DMGDH: variants seen among roughly 807,000 people sequenced by gnomAD.
DMGDH encodes the protein dimethylglycine dehydrogenase, also known as dimethylglycine dehydrogenase, mitochondrial.
In DMGDH, 76 loss-of-function variants were observed where a neutral mutation model predicts 95.2. That is an observed-to-expected ratio of 0.80 (90% CI 0.66 to 0.97). The LOEUF (loss-of-function observed/expected upper bound fraction) is 0.97. Ranked by LOEUF, DMGDH falls within the 50% of genes least tolerant of loss-of-function variation. The probability of loss-of-function intolerance (pLI) is 0.00; values close to 1 mark genes in which losing one functional copy is unlikely to be tolerated. For missense variants in DMGDH, 987 were observed against 1,055.0 expected, an observed-to-expected ratio of 0.94 and a Z score of 0.89; for synonymous variants, 345 against 377.6, an observed-to-expected ratio of 0.91 and a Z score of 1.00.
intron 14 of DMGDH, chr5:79,021,774 G>A: frequency 8.2e-7 from 1 of 1,216,120 alleles, no homozygotes; most frequent in Non-Finnish European, 1.1e-6. Flanking sequence ...TATGTTACCA[G>A]AGAGAGAAAT....
At chr5:79,052,652 C>T (rs1754903849) in intron 4 of DMGDH, among the ~76,000 whole-genome samples, 1 of 152,180 alleles carries the variant, frequency 6.6e-6, no homozygotes, top group East Asian at 1.9e-4. Context: ...CACATATTCC[C>T]ATTGCTTAAT....
In DMGDH at chr5:79,069,506, G is replaced by A. The variant is rs1017199728; in HGVS notation, c.101+14C>T. On this transcript the variant is annotated intron_variant, in intron 1 of 15. Coordinates refer to ENST00000255189, the MANE Select transcript of DMGDH (RefSeq NM_013391.3). ...CCGCCCCGTCGCCTCTGAGCAGGAC[G>A]GGGCCCCACTCACCCTTCCCGGCCG... is the stretch of plus-strand genomic sequence containing the variant. 2.4e-6 allele frequency: 3 copies of A among 1,273,340 alleles called. No homozygotes were observed. The highest frequency in any genetic ancestry group is 9.9e-7 in the Non-Finnish European group (1 of 1,009,606). 78.9% of individuals were successfully genotyped at this position (1,273,340 alleles called of 1,614,324 possible).
chr5:79,050,248 C>CAAAAAAAA lies in DMGDH; in HGVS notation c.745+1031_745+1038dup, dbSNP rs57662602. ...GGGGCACAAGAGCAAAACTTTGTCT[C>CAAAAAAAA]AAAAAAAAAAAAAAAAAAAAAAAAA... On this transcript the variant is annotated intron_variant, in intron 5 of 15. Coordinates refer to ENST00000255189, the MANE Select transcript of DMGDH (RefSeq NM_013391.3). Among the ~76,000 whole-genome samples, 56 of 78,598 alleles carry CAAAAAAAA rather than the reference C, an allele frequency of 7.1e-4. 2 individuals are homozygous for CAAAAAAAA. Among genetic ancestry groups the CAAAAAAAA allele is most frequent in the African/African-American group, 1.5e-3 (28 of 18,900 alleles). The allele number at this position is 78,598 out of a possible 152,430, so 51.6% of individuals were successfully genotyped here.
chr5:79,037,821 T>A (rs540109860), intron 7 of DMGDH, among the ~76,000 whole-genome samples: 1 of 152,132 alleles, frequency 6.6e-6, no homozygotes, highest in Non-Finnish European at 1.5e-5. Context: ...TAAAATTCAA[T>A]TGGAATATCA....
chr5:79,061,271 ACCT>A (rs1755206008), intron 2 of DMGDH, among the ~76,000 whole-genome samples: 1 of 149,792 alleles, frequency 6.7e-6, no homozygotes, highest in Non-Finnish European at 1.5e-5. Context: ...ACACACAAAC[ACCT>A]AATATGTTGG....
chr5:79,040,535 C>A (rs930879158), intron 7 of DMGDH, among the ~76,000 whole-genome samples: 1 of 152,108 alleles, frequency 6.6e-6, no homozygotes. Flanking sequence ...TAAATCTTCA[C>A]GAACTTGGAT....
chr5:79,038,161 C>G (rs1245465156), intron 7 of DMGDH, among the ~76,000 whole-genome samples: 1 of 152,132 alleles, frequency 6.6e-6, no homozygotes. Flanking sequence ...GAAATTACTA[C>G]AAAGCTAGTA....
At chr5:79,065,726 T>C (rs902219818) in intron 1 of DMGDH, among the ~76,000 whole-genome samples, 3 of 152,232 alleles carry the variant, frequency 2.0e-5, no homozygotes, top group South Asian at 2.1e-4. Flanking sequence ...GCATGTGCTA[T>C]AGCTTTATGT....
At chr5:79,039,230 A>T (rs1754433147) in intron 7 of DMGDH, among the ~76,000 whole-genome samples, 1 of 152,008 alleles carries the variant, frequency 6.6e-6, no homozygotes, top group Non-Finnish European at 1.5e-5. Flanking sequence ...AGGACTATAA[A>T]TCATGCTGCT....
Position 79,024,267 on chromosome 5 carries a change from A to T in DMGDH, c.2250+4T>A. 5 of 1,612,340 alleles carry T rather than the reference A, an allele frequency of 3.1e-6. No homozygotes were observed. The highest frequency in any genetic ancestry group is 4.2e-6 in the Non-Finnish European group (5 of 1,178,566). The stretch of plus-strand genomic sequence containing the variant: ...TTCAAGCACACTTTGGAATGTAAAC[A>T]TACCTTATTTAACTTCACAAAATAT... On this transcript the variant is annotated splice_donor_region_variant and intron_variant, in intron 14 of 15. Coordinates refer to ENST00000255189, the MANE Select transcript of DMGDH (RefSeq NM_013391.3).
Position 79,069,600 on chromosome 5 carries a change from C to A in DMGDH, c.21G>T (p.Gln7His). Reference sequence around the variant, plus strand: ...TCCGCAGCAGGAGGCCCCGCAGCAGCTGCGCGCCGGGACGGAGCATGACTA... The same window carrying A: ...TCCGCAGCAGGAGGCCCCGCAGCAGATGCGCGCCGGGACGGAGCATGACTA... MLRPGA[Q>H]LLRGLLLRSC... Residue 7 changes from glutamine (Q) to histidine (H), a missense_variant, in exon 1 of 16, where the codon CAG becomes CAT. Coordinates refer to ENST00000255189, the MANE Select transcript of DMGDH (RefSeq NM_013391.3). 7.3e-7 allele frequency: 1 copy of A among 1,369,328 alleles called. No homozygotes were observed. The allele number at this position is 1,369,328 out of a possible 1,614,324, so 84.8% of individuals were successfully genotyped here.
intron 12 of DMGDH, among the ~76,000 whole-genome samples, chr5:79,027,780 A>T (rs1273547055): frequency 1.3e-5 from 2 of 151,870 alleles, no homozygotes; most frequent in Non-Finnish European, 2.9e-5. Context: ...GACCATCTTG[A>T]ATGTTCACAA....
intron 14 of DMGDH, among the ~76,000 whole-genome samples, chr5:79,013,226 T>G (rs1244136839): frequency 2.0e-5 from 3 of 152,196 alleles, no homozygotes; most frequent in African/African-American, 7.2e-5. Flanking sequence ...CTCTAAATCA[T>G]CAGTCTCAGT....
chr5:79,062,033 T>C (rs988561536), intron 2 of DMGDH, among the ~76,000 whole-genome samples: 1 of 152,198 alleles, frequency 6.6e-6, no homozygotes, highest in African/African-American at 2.4e-5. Context: ...TCAGAAGTGG[T>C]GAGAGGGTGT....
At chr5:79,051,226 C>G (rs1009826230) in intron 5 of DMGDH, 61 bp downstream of exon 5, 2 of 1,536,704 alleles carry the variant, frequency 1.3e-6, no homozygotes, top group African/African-American at 2.7e-5. Flanking sequence ...AACATTACGG[C>G]TAAATATCTT....
rs570985764 is a variant in DMGDH at position 79,065,798 on chromosome 5, C to T, written c.102-2011G>A. Among the ~76,000 whole-genome samples the T allele has an allele frequency of 2.0e-4, 31 of 152,284 alleles. No individual in the cohort carries two copies. In the South Asian group the frequency reaches 6.2e-3, roughly 30 times the overall value. ...CTACAAACACGTGAGCAATGTGTTG[C>T]ATATGACATTATGACAGCTATGACA... On this transcript the variant is annotated intron_variant, in intron 1 of 15. Coordinates refer to ENST00000255189, the MANE Select transcript of DMGDH (RefSeq NM_013391.3).
intron 13 of DMGDH, among the ~76,000 whole-genome samples, chr5:79,025,029 T>C: frequency 6.6e-6 from 1 of 152,244 alleles, no homozygotes; most frequent in East Asian, 1.9e-4. Context: ...TTATATGACG[T>C]AAAACGTTGC....
intron 7 of DMGDH, among the ~76,000 whole-genome samples, chr5:79,037,770 T>G (rs1281232194): frequency 2.0e-5 from 3 of 152,234 alleles, no homozygotes; most frequent in Non-Finnish European, 4.4e-5. Context: ...GCTCAGAACA[T>G]GCCTTACAGT....
At chr5:79,014,946 G>A (rs537374828) in intron 14 of DMGDH, among the ~76,000 whole-genome samples, 21 of 152,230 alleles carry the variant, frequency 1.4e-4, no homozygotes, top group African/African-American at 4.3e-4. Context: ...AATATAAGGC[G>A]TGGTCAGTAC....
Sources: allele counts gnomAD v4.1 joint callset (sites outside exome capture counted in the v4.1 genomes callset), GRCh38; gene constraint gnomAD v4.1.1; transcripts MANE v1.5; gene names NCBI Gene and HGNC (gene_info 2026-07-23, HGNC 2026-07-21).